MARCHF4: variants seen among roughly 807,000 people sequenced by gnomAD.
MARCHF4 encodes membrane associated ring-CH-type finger 4, also known as E3 ubiquitin-protein ligase MARCHF4.
Under a neutral mutation model 43.9 loss-of-function variants are expected in MARCHF4, and 14 were observed. The ratio of observed to expected loss-of-function variants is 0.32; its 90% CI spans 0.21 to 0.50. The LOEUF (loss-of-function observed/expected upper bound fraction) is 0.50, where lower values mean the gene tolerates loss of function less well. Among genes scored for constraint, MARCHF4 ranks in the 20% least tolerant of loss-of-function variants. MARCHF4 has a pLI of 0.98. For synonymous variants in MARCHF4, 226 were observed against 213.3 expected, an observed-to-expected ratio of 1.06 and a Z score of -0.52; for missense variants, 468 against 536.7, an observed-to-expected ratio of 0.87 and a Z score of 1.27.
chr2:216,281,631 A>G (rs1290007958), intron 2 of MARCHF4, among the ~76,000 whole-genome samples: 1 of 152,234 alleles, frequency 6.6e-6, no homozygotes, highest in Non-Finnish European at 1.5e-5. Flanking sequence ...TACAATTGGG[A>G]CAATTTGGAC....
At chr2:216,288,970 C>A (rs2105943691) in intron 1 of MARCHF4, among the ~76,000 whole-genome samples, 1 of 151,272 alleles carries the variant, frequency 6.6e-6, no homozygotes, top group South Asian at 2.1e-4. Context: ...CAGCTTTAGA[C>A]CCTCATCAGC....
At chr2:216,339,117 C>T (rs115730228) in intron 1 of MARCHF4, among the ~76,000 whole-genome samples, 2,110 of 152,284 alleles carry the variant, frequency 0.014, 59 homozygotes, top group African/African-American at 0.048. Context: ...AGCCTTGGAC[C>T]AGTCTTTGAC....
intron 1 of MARCHF4, among the ~76,000 whole-genome samples, chr2:216,348,068 G>T (rs942012760): frequency 1.1e-3 from 141 of 127,024 alleles, no homozygotes; most frequent in Middle Eastern, 4.8e-3. Flanking sequence ...ACAGAGTTTC[G>T]CTTTTGTTGC....
At chr2:216,289,241 C>A (rs1196738950) in intron 1 of MARCHF4, among the ~76,000 whole-genome samples, 1 of 140,004 alleles carries the variant, frequency 7.1e-6, no homozygotes, top group Admixed American at 7.1e-5. Context: ...CCACCCGCCC[C>A]CCACCCAAGT....
At chr2:216,329,117 A>G (rs945426179) in intron 1 of MARCHF4, among the ~76,000 whole-genome samples, 1 of 152,226 alleles carries the variant, frequency 6.6e-6, no homozygotes, top group East Asian at 1.9e-4. Context: ...GCGGTGGCTC[A>G]CGCCTGTAAT....
At chr2:216,355,021 G>T (rs1240443162) in intron 1 of MARCHF4, among the ~76,000 whole-genome samples, 2 of 145,740 alleles carry the variant, frequency 1.4e-5, no homozygotes, top group South Asian at 4.3e-4. Context: ...ACCCAGGCTA[G>T]AGTGCAGTGG....
chr2:216,275,976 G>A (rs534779604), intron 3 of MARCHF4, among the ~76,000 whole-genome samples: 1 of 152,306 alleles, frequency 6.6e-6, no homozygotes, highest in Non-Finnish European at 1.5e-5. Context: ...TGAACCCAAT[G>A]CACAACCAGA....
At chr2:216,354,931 C>CTT in intron 1 of MARCHF4, among the ~76,000 whole-genome samples, 1 of 132,240 alleles carries the variant, frequency 7.6e-6, no homozygotes, top group Non-Finnish European at 1.6e-5. Flanking sequence ...TTCTTTCTTT[C>CTT]TTTCTTTCTT....
chr2:216,315,657 G>A (rs61265575), intron 1 of MARCHF4, among the ~76,000 whole-genome samples: 4,684 of 152,090 alleles, frequency 0.031, 249 homozygotes, highest in African/African-American at 0.11. Context: ...ACTTTCAATG[G>A]GACTGTATTT....
chr2:216,336,675 C>G (rs73988370), intron 1 of MARCHF4, among the ~76,000 whole-genome samples: 11,032 of 140,182 alleles, frequency 0.079, 519 homozygotes, highest in South Asian at 0.13. Context: ...GGCTTTAGAT[C>G]GATTCAGTGT....
chr2:216,369,927 G>A lies in MARCHF4; in HGVS notation c.334C>T (p.Pro112Ser), dbSNP rs144835999. Residue 112 changes from proline to serine, a missense_variant, in exon 1 of 4, where the codon CCT (proline) becomes TCT (serine). Physicochemically the swap from Pro to Ser is moderately conservative, Grantham distance 74. This residue lies in a region of MARCHF4 where 190 missense variants were observed against 158.5 expected (regional missense o/e 1.20). Transcript: ENST00000273067. The part of the protein sequence containing the change: ...PPVPPPPPLP[P>S]SSVEDDWGGP... ...CCCCAGTCATCTTCCACAGAAGAAG[G>A]TGGCAAGGGGGGTGGAGGTGGCACA... The A allele has an allele frequency of 3.0e-5, 48 of 1,609,662 alleles. No homozygotes were observed. In the African/African-American group the frequency reaches 6.3e-4, roughly 21 times the overall value.
intron 1 of MARCHF4, among the ~76,000 whole-genome samples, chr2:216,341,521 G>A (rs1337371191): frequency 1.3e-5 from 2 of 152,184 alleles, no homozygotes; most frequent in South Asian, 2.1e-4. Flanking sequence ...GAAGGGGAGG[G>A]CAAGGCCAAG....
chr2:216,305,146 T>C (rs1489129883), intron 1 of MARCHF4, among the ~76,000 whole-genome samples: 1 of 152,040 alleles, frequency 6.6e-6, no homozygotes, highest in African/African-American at 2.4e-5. Flanking sequence ...TGAATAAATA[T>C]TAGATTACAA....
In MARCHF4 at chr2:216,345,481, A is replaced by C. The variant is rs201706767; in HGVS notation, c.516+24264T>G. 1.1e-4 allele frequency among the ~76,000 whole-genome samples: 17 copies of C among 152,156 alleles called. No homozygotes were observed. In the East Asian group the frequency reaches 3.3e-3, roughly 29 times the overall value. On this transcript the variant is annotated intron_variant, in intron 1 of 3. Transcript: ENST00000273067. The stretch of plus-strand genomic sequence containing the variant: ...CTGGACCAATCAATCAGCCTTTATC[A>C]TCAAGCTATATTTTTCTCCACTTCC...
At chr2:216,368,714 A>G (rs1179463531) in intron 1 of MARCHF4, among the ~76,000 whole-genome samples, 5 of 152,230 alleles carry the variant, frequency 3.3e-5, no homozygotes, top group Non-Finnish European at 7.3e-5. Flanking sequence ...GAAGTGGCTG[A>G]TAGGAACACA....
chr2:216,278,292 C>T (rs1056134123), intron 2 of MARCHF4, among the ~76,000 whole-genome samples: 3 of 152,152 alleles, frequency 2.0e-5, no homozygotes, highest in South Asian at 2.1e-4. Context: ...GGCACGATCT[C>T]GGCTCATTGC....
Position 216,370,267 on chromosome 2 carries a change from C to G in MARCHF4, c.-7G>C. 1.3e-6 allele frequency: 2 copies of G among 1,586,430 alleles called. No individual in the cohort carries two copies. The highest frequency in any genetic ancestry group is 8.6e-7 in the Non-Finnish European group (1 of 1,164,202). ...CACACAGGGGCATCAGCATGTGCCC[C>G]GTGGAAGTAGAGAGCCCAAGAGGGG... On this transcript the variant is annotated 5_prime_UTR_variant, in exon 1 of 4. Coordinates refer to ENST00000273067, the MANE Select transcript of MARCHF4 (RefSeq NM_020814.3).
chr2:216,274,119 T>A (rs1009462055), intron 3 of MARCHF4, among the ~76,000 whole-genome samples: 53 of 152,140 alleles, frequency 3.5e-4, no homozygotes, highest in Admixed American at 3.3e-4. Flanking sequence ...CTGAACTGAG[T>A]ATGACTTCTG....
chr2:216,271,190 T>TGCCCATC (rs1690929626), intron 3 of MARCHF4, among the ~76,000 whole-genome samples: 1 of 152,178 alleles, frequency 6.6e-6, no homozygotes, highest in Admixed American at 6.5e-5. Flanking sequence ...CCAAGCCCCT[T>TGCCCATC]GCCCATCACC....
Sources: allele counts gnomAD v4.1 joint callset (sites outside exome capture counted in the v4.1 genomes callset), GRCh38; gene constraint gnomAD v4.1.1; regional missense constraint gnomAD v4.1.1; transcripts MANE v1.5; gene names NCBI Gene and HGNC (gene_info 2026-07-23, HGNC 2026-07-21).